The following GRIN1 variants were observed in gnomAD, a reference collection of about 807,000 sequenced individuals.
GRIN1 encodes glutamate receptor ionotropic, NMDA 1.
In GRIN1, 38 loss-of-function variants were observed where a neutral mutation model predicts 103.0. That is an observed-to-expected ratio of 0.37 (90% CI 0.28 to 0.48). GRIN1 has a LOEUF of 0.48. GRIN1 is among the 20% of genes least tolerant of loss of function. The probability of loss-of-function intolerance (pLI) is 0.98; values close to 1 mark genes in which losing one functional copy is unlikely to be tolerated. For missense variants in GRIN1, 577 were observed against 1,288.9 expected, an observed-to-expected ratio of 0.45 and a Z score of 8.46; for synonymous variants, 544 against 532.7, an observed-to-expected ratio of 1.02 and a Z score of -0.29.
chr9:137,154,517 G>A (rs1265808090), intron 4 of GRIN1, among the ~76,000 whole-genome samples: 3 of 125,618 alleles, frequency 2.4e-5, no homozygotes, highest in Admixed American at 1.9e-4. Context: ...GCAGTGGCGC[G>A]ATCTTGGCTC....
At chr9:137,147,682 A>G (rs1439890906) in intron 3 of GRIN1, among the ~76,000 whole-genome samples, 3 of 152,162 alleles carry the variant, frequency 2.0e-5, no homozygotes, top group Non-Finnish European at 4.4e-5. Flanking sequence ...CACCCCAGTT[A>G]GTGAGGATAC....
intron 4 of GRIN1, among the ~76,000 whole-genome samples, chr9:137,152,595 G>A (rs530255099): frequency 1.6e-4 from 25 of 151,946 alleles, no homozygotes; most frequent in Admixed American, 6.5e-4. Context: ...TTTTTTTCTC[G>A]GCCTGTGAGC....
At chr9:137,162,321 A>C in intron 12 of GRIN1, 31 bp downstream of exon 12, 1 of 1,548,872 alleles carries the variant, frequency 6.5e-7, no homozygotes, top group Non-Finnish European at 8.7e-7. Flanking sequence ...AGACACCTCC[A>C]TCTGCGGGGC....
intron 18 of GRIN1, 190 bp from the exon 19 acceptor site, chr9:137,164,996 C>T (rs909842303): frequency 3.3e-6 from 2 of 612,142 alleles, no homozygotes; most frequent in African/African-American, 3.6e-5. Context: ...AGGTCAGGCC[C>T]GAGACCCCGG....
chr9:137,167,552 C>T lies in GRIN1; in HGVS notation c.*25C>T. 6.5e-7 allele frequency: 1 copy of T among 1,545,542 alleles called. No individual in the cohort carries two copies. The highest frequency in any genetic ancestry group is 8.7e-7 in the Non-Finnish European group (1 of 1,143,244). On this transcript the variant is annotated 3_prime_UTR_variant, in exon 20 of 20. Transcript: ENST00000371561. ...AGACTCCCCGCCCGCCCTCCTCTGC[C>T]CCCTCCCCCGCAGACAGACAGACAG...
rs944901546 is a variant in GRIN1 at position 137,146,707 on chromosome 9, C to G, written c.570+805C>G. ...GACCCCCGGAGCCCTGGGTGCTCAG[C>G]ACCTGGGCCAGCTCCTGATCAAGCA... is the stretch of plus-strand genomic sequence containing the variant. On this transcript the variant is annotated intron_variant, in intron 3 of 19. Transcript: ENST00000371561. This position sits in a 1 kb window ranked among gnomAD's most constrained non-coding sequence, Gnocchi z 6.7. Among the ~76,000 whole-genome samples the G allele has an allele frequency of 1.3e-5, 2 of 152,152 alleles. No individual in the cohort carries two copies. Among genetic ancestry groups the G allele is most frequent in the African/African-American group, 4.8e-5 (2 of 41,424 alleles).
rs372416086 is a variant in GRIN1 at position 137,144,571 on chromosome 9, T to C, written c.394-1155T>C. ...TTGGGAGGCTGAGGCAGGAGAATGG[T>C]GTGAACCCAGGAGGCGGAGCCTGCA... On this transcript the variant is annotated intron_variant, in intron 2 of 19. Coordinates refer to ENST00000371561, the MANE Select transcript of GRIN1 (RefSeq NM_007327.4). Among the ~76,000 whole-genome samples the C allele has an allele frequency of 4.8e-3, 714 of 150,012 alleles. 4 individuals are homozygous for C. The highest frequency in any genetic ancestry group is 0.012 in the African/African-American group (508 of 40,756).
chr9:137,159,596 C>T (rs958630409), intron 8 of GRIN1, among the ~76,000 whole-genome samples: 1 of 152,218 alleles, frequency 6.6e-6, no homozygotes, highest in Non-Finnish European at 1.5e-5. Flanking sequence ...CTGAAAGCAG[C>T]GGTCAAACGC....
chr9:137,152,908 A>T (rs1178891961), intron 4 of GRIN1, among the ~76,000 whole-genome samples: 3 of 151,938 alleles, frequency 2.0e-5, no homozygotes, highest in Non-Finnish European at 4.4e-5. Context: ...ACACACACGC[A>T]TGTATGCACA....
Position 137,139,427 on chromosome 9 carries a change from G to A in GRIN1, c.-60G>A, listed in dbSNP as rs1588681727. Reference sequence around the variant, plus strand: ...CGCAGGACGGCCCGGAAGCCCCGCGGGGGATGCGCCGAGGGCCCCGCGTTC... The same window carrying A: ...CGCAGGACGGCCCGGAAGCCCCGCGAGGGATGCGCCGAGGGCCCCGCGTTC... On this transcript the variant is annotated 5_prime_UTR_variant, in exon 1 of 20. Transcript: ENST00000371561. The surrounding 1 kb of genome is among the most constrained non-coding windows in gnomAD (Gnocchi z 7.7). 7.6e-7 allele frequency: 1 copy of A among 1,312,530 alleles called. No homozygotes were observed. The highest frequency in any genetic ancestry group is 9.8e-7 in the Non-Finnish European group (1 of 1,018,698). 81.3% of individuals were successfully genotyped at this position (1,312,530 alleles called of 1,614,324 possible).
At chr9:137,158,198 T>C (rs912285028) in intron 6 of GRIN1, among the ~76,000 whole-genome samples, 181 bp from the exon 7 acceptor site, 1 of 152,196 alleles carries the variant, frequency 6.6e-6, no homozygotes, top group Admixed American at 6.5e-5. Flanking sequence ...GTCTGGCGTC[T>C]GCTGATCTTT....
intron 3 of GRIN1, chr9:137,148,052 G>C (rs1307963815): frequency 2.7e-6 from 2 of 742,514 alleles, no homozygotes; most frequent in East Asian, 6.0e-5. Context: ...GTCTGCAGAC[G>C]TGCCGAGGAG....
rs1470742285 is a variant in GRIN1, at chr9:137,167,579, C to G, written c.*52C>G. On this transcript the variant is annotated 3_prime_UTR_variant, in exon 20 of 20. Transcript: ENST00000371561. ...CCTCCCCCGCAGACAGACAGACAGA[C>G]GGACGGGACAGCGGCCCGGCCCACG... 6.6e-7 allele frequency: 1 copy of G among 1,506,676 alleles called. No homozygotes were observed. Among genetic ancestry groups the G allele is most frequent in the African/African-American group, 1.4e-5 (1 of 71,452 alleles). The allele number at this position is 1,506,676 out of a possible 1,614,324, so 93.3% of individuals were successfully genotyped here. A position where few individuals can be genotyped will look rare whatever the true frequency, so the allele number is the denominator to read the frequency against.
intron 4 of GRIN1, among the ~76,000 whole-genome samples, chr9:137,153,512 T>C (rs1222110809): frequency 2.0e-5 from 3 of 151,938 alleles, no homozygotes; most frequent in Non-Finnish European, 4.4e-5. Flanking sequence ...CATACACATG[T>C]GCACACATGC....
chr9:137,149,694 C>T (rs1470890229), intron 4 of GRIN1, among the ~76,000 whole-genome samples: 2 of 152,176 alleles, frequency 1.3e-5, no homozygotes, highest in Admixed American at 6.5e-5. Context: ...TAGGTTCTCC[C>T]GGGAAGGAAA....
chr9:137,165,216 C>T lies in GRIN1; in HGVS notation c.2620C>T (p.Pro874Ser). ...DRKSGRAEPDPKKKATFRAIT... is the reference protein window; with the variant it reads ...DRKSGRAEPDSKKKATFRAIT... Reference sequence around the variant, plus strand: ...AAAGAGTGGTAGAGCAGAGCCTGACCCTAAAAAGAAAGCCACATTTAGGGC... The same window carrying T: ...AAAGAGTGGTAGAGCAGAGCCTGACTCTAAAAAGAAAGCCACATTTAGGGC... Residue 874 changes from proline to serine, a missense_variant, in exon 19 of 20, where the codon CCT becomes TCT. Physicochemically the swap from Pro to Ser is moderately conservative, Grantham distance 74. This residue lies in a region of GRIN1 where 68 missense variants were observed against 113.0 expected (regional missense o/e 0.60). Transcript: ENST00000371561. The T allele has an allele frequency of 6.2e-7, 1 of 1,611,758 alleles. No homozygotes were observed. The highest frequency in any genetic ancestry group is 1.1e-5 in the South Asian group (1 of 91,026).
chr9:137,158,531 G>T lies in GRIN1; in HGVS notation c.1113+8G>T, dbSNP rs1251532131. 6.2e-7 allele frequency: 1 copy of T among 1,612,206 alleles called. No homozygotes were observed. Among genetic ancestry groups the T allele is most frequent in the East Asian group, 2.2e-5 (1 of 44,880 alleles). On this transcript the variant is annotated splice_region_variant and intron_variant, in intron 7 of 19. Transcript: ENST00000371561. The stretch of plus-strand genomic sequence containing the variant: ...ATCTACAATGGCACCCACGTAGGTG[G>T]GGGTCATGAGGGGGTGGGGGCTGGG...
chr9:137,153,845 C>T (rs1833055051), intron 4 of GRIN1, among the ~76,000 whole-genome samples: 1 of 152,222 alleles, frequency 6.6e-6, no homozygotes, highest in African/African-American at 2.4e-5. Context: ...GAGTCTTGCT[C>T]TGTTGCCCAG....
chr9:137,145,935 G>A (rs751717137), intron 3 of GRIN1, 33 bp downstream of exon 3: 24 of 1,527,518 alleles, frequency 1.6e-5, no homozygotes, highest in East Asian at 9.5e-5. Flanking sequence ...GGCGCCTGGC[G>A]GAGCCGAGGT....
Sources: gnomAD v4.1 joint callset for allele counts (sites outside exome capture counted in the v4.1 genomes callset) on GRCh38, gnomAD v4.1.1 for gene constraint, gnomAD v4.1.1 regional missense constraint, Gnocchi (gnomAD v3.1) non-coding constraint, MANE v1.5 for transcripts, NCBI Gene and HGNC (gene_info 2026-07-23, HGNC 2026-07-21) for gene names.